The following RIT2 variants were observed in gnomAD, a reference collection of about 807,000 sequenced individuals.
RIT2 encodes Ras like without CAAX 2.
RIT2 carries 24 observed loss-of-function variants against 23.7 expected under a neutral mutation model. That is an observed-to-expected ratio of 1.01 (90% CI 0.73 to 1.43). The LOEUF is 1.43. RIT2 is among the 40% of genes most tolerant of loss of function. The pLI, the probability that RIT2 is intolerant of heterozygous loss-of-function variation, is 0.00. For missense variants in RIT2, 236 were observed against 266.9 expected (o/e 0.88, Z 0.81); for synonymous variants, 107 against 91.1 (o/e 1.17, Z -0.99).
chr18:43,036,947 T>C (rs1005272964), intron 1 of RIT2, among the ~76,000 whole-genome samples: 7 of 152,224 alleles, frequency 4.6e-5, no homozygotes, highest in African/African-American at 1.7e-4. Context: ...AGACTGGAGA[T>C]TAAATTTTAT....
At chr18:42,803,766 AAAC>A (rs2143965512) in intron 4 of RIT2, among the ~76,000 whole-genome samples, 1 of 152,368 alleles carries the variant, frequency 6.6e-6, no homozygotes, top group South Asian at 2.1e-4. Context: ...AGCATTTTGC[AAAC>A]AACATTGCTT....
chr18:42,762,951 C>T (rs1913336556), intron 4 of RIT2, among the ~76,000 whole-genome samples: 1 of 152,216 alleles, frequency 6.6e-6, no homozygotes, highest in South Asian at 2.1e-4. Flanking sequence ...AAGAGATGTG[C>T]CATAAGTCAA....
intron 4 of RIT2, among the ~76,000 whole-genome samples, chr18:42,855,649 T>C (rs944452011): frequency 1.3e-5 from 2 of 152,192 alleles, no homozygotes; most frequent in Non-Finnish European, 2.9e-5. Context: ...TAGCTATATA[T>C]CTTTTATAAA....
intron 4 of RIT2, among the ~76,000 whole-genome samples, chr18:42,855,650 C>A (rs994508001): frequency 6.6e-6 from 1 of 152,176 alleles, no homozygotes; most frequent in Admixed American, 6.5e-5. Flanking sequence ...AGCTATATAT[C>A]TTTTATAAAT....
intron 4 of RIT2, among the ~76,000 whole-genome samples, chr18:42,857,819 G>A (rs964636007): frequency 3.9e-5 from 6 of 152,122 alleles, no homozygotes; most frequent in African/African-American, 1.2e-4. Flanking sequence ...CATGGTATTT[G>A]GTAATGCTCA....
chr18:42,977,931 AT>A (rs544412128), intron 2 of RIT2, among the ~76,000 whole-genome samples: 58 of 151,392 alleles, frequency 3.8e-4, no homozygotes, highest in African/African-American at 1.4e-3. Context: ...ATTCACTGAT[AT>A]TCCTCTCCCA....
intron 2 of RIT2, among the ~76,000 whole-genome samples, chr18:43,010,211 G>A (rs1299965031): frequency 2.9e-4 from 44 of 151,728 alleles, no homozygotes; most frequent in Admixed American, 2.8e-3. Flanking sequence ...AACACTGCAG[G>A]TTTGTAGAGA....
intron 4 of RIT2, among the ~76,000 whole-genome samples, chr18:42,767,255 C>T (rs1282495712): frequency 1.3e-5 from 2 of 152,182 alleles, no homozygotes; most frequent in African/African-American, 2.4e-5. Flanking sequence ...GAGGCTGTAA[C>T]CTGAAAAGCC....
intron 3 of RIT2, among the ~76,000 whole-genome samples, chr18:42,926,711 G>A (rs551950271): frequency 1.3e-5 from 2 of 152,050 alleles, no homozygotes; most frequent in East Asian, 3.9e-4. Flanking sequence ...ATTAAAAATA[G>A]ATATGTCAAG....
chr18:43,066,908 T>C (rs1279713185), intron 1 of RIT2, among the ~76,000 whole-genome samples: 1 of 150,804 alleles, frequency 6.6e-6, no homozygotes, highest in Non-Finnish European at 1.5e-5. Context: ...ACTGAAAATG[T>C]AGACAGCAAC....
At chr18:42,933,177 T>G (rs1237565297) in intron 3 of RIT2, among the ~76,000 whole-genome samples, 1 of 152,124 alleles carries the variant, frequency 6.6e-6, no homozygotes, top group East Asian at 1.9e-4. Flanking sequence ...TCTATGATAA[T>G]GTATGTATTC....
chr18:43,079,988 T>G (rs2144346520), intron 1 of RIT2, among the ~76,000 whole-genome samples: 1 of 152,322 alleles, frequency 6.6e-6, no homozygotes, highest in East Asian at 1.9e-4. Flanking sequence ...TAAATACTGG[T>G]TTTATTAAGA....
chr18:43,059,929 A>G (rs1309460262), intron 1 of RIT2, among the ~76,000 whole-genome samples: 1 of 152,152 alleles, frequency 6.6e-6, no homozygotes, highest in African/African-American at 2.4e-5. Context: ...GACATGTGCA[A>G]CAAGTGGTAA....
chr18:42,996,076 C>T (rs757522058), intron 2 of RIT2, among the ~76,000 whole-genome samples: 2 of 152,288 alleles, frequency 1.3e-5, no homozygotes, highest in South Asian at 2.1e-4. Flanking sequence ...CCTCCCAATT[C>T]TTAGACCTTT....
intron 4 of RIT2, among the ~76,000 whole-genome samples, chr18:42,898,907 T>A (rs903824388): frequency 7.9e-5 from 12 of 152,184 alleles, no homozygotes; most frequent in Non-Finnish European, 1.6e-4. Context: ...TATGTCCTTT[T>A]CAGCGCCCCT....
intron 3 of RIT2, among the ~76,000 whole-genome samples, chr18:42,967,260 A>G (rs1347639282): frequency 2.0e-5 from 3 of 152,108 alleles, no homozygotes; most frequent in African/African-American, 7.2e-5. Context: ...ATTGGCTTCT[A>G]TAAATCTTTT....
intron 4 of RIT2, among the ~76,000 whole-genome samples, chr18:42,745,660 T>C (rs1912900905): frequency 6.6e-6 from 1 of 152,136 alleles, no homozygotes; most frequent in Non-Finnish European, 1.5e-5. Context: ...GCGAAAACAA[T>C]CAACTAAAGC....
intron 4 of RIT2, among the ~76,000 whole-genome samples, chr18:42,766,356 A>G (rs183421991): frequency 2.2e-4 from 33 of 152,274 alleles, no homozygotes; most frequent in Non-Finnish European, 2.8e-4. Context: ...ACTGGAGTAA[A>G]GGTGACTCTT....
rs116377762 is a variant in RIT2 at position 43,055,929 on chromosome 18, G to A, written c.104-22062C>T. Among the ~76,000 whole-genome samples the A allele has an allele frequency of 5.8e-3, 886 of 152,150 alleles. 10 individuals carry two copies. Among genetic ancestry groups the A allele is most frequent in the African/African-American group, 0.02 (846 of 41,520 alleles). On this transcript the variant is annotated intron_variant, in intron 1 of 4. Transcript: ENST00000326695. ...TTGGCAGGCAGAACTTTAAGGTTAC[G>A]GGTTAGCAATAGCAACCTAAAAATT...
Sources: gnomAD v4.1 joint callset for allele counts (sites outside exome capture counted in the v4.1 genomes callset) on GRCh38, gnomAD v4.1.1 for gene constraint, MANE v1.5 for transcripts, NCBI Gene and HGNC (gene_info 2026-07-23, HGNC 2026-07-21) for gene names.